The following CDH13 variants were observed in gnomAD, a reference collection of about 807,000 sequenced individuals.
CDH13 encodes the protein cadherin-13.
CDH13 carries 24 observed loss-of-function variants against 63.8 expected under a neutral mutation model. The ratio of observed to expected loss-of-function variants is 0.38; its 90% CI spans 0.27 to 0.53. The LOEUF is 0.53. Ranked by LOEUF, CDH13 falls within the 20% of genes least tolerant of loss-of-function variation. The probability of loss-of-function intolerance (pLI) is 0.85; values close to 1 mark genes in which losing one functional copy is unlikely to be tolerated. For synonymous variants in CDH13, 503 were observed against 355.3 expected (o/e 1.42, Z -4.67); for missense variants, 1,049 against 903.1 (o/e 1.16, Z -2.07).
chr16:83,102,965 T>TTTTTTTTTTTTTTTTTTTTC (rs2034570357), intron 3 of CDH13, among the ~76,000 whole-genome samples: 5 of 107,864 alleles, frequency 4.6e-5, no homozygotes, highest in East Asian at 2.8e-4. Context: ...TTTTTTTTTT[T>TTTTTTTTTTTTTTTTTTTTC]TTTTTGAGGT....
At chr16:82,931,673 T>C (rs540123702) in intron 2 of CDH13, among the ~76,000 whole-genome samples, 2 of 152,084 alleles carry the variant, frequency 1.3e-5, no homozygotes. Context: ...CTCACAATCA[T>C]GGCAGAAGGC....
chr16:83,109,901 C>G (rs1410031551), intron 3 of CDH13, among the ~76,000 whole-genome samples: 1 of 152,192 alleles, frequency 6.6e-6, no homozygotes, highest in Non-Finnish European at 1.5e-5. Context: ...GTAAAACTAG[C>G]AAGTCTTGAT....
intron 4 of CDH13, among the ~76,000 whole-genome samples, chr16:83,191,472 T>TATATATATGCAC (rs1567492971): frequency 8.7e-6 from 1 of 115,462 alleles, no homozygotes; most frequent in African/African-American, 3.3e-5. Flanking sequence ...TATATATATA[T>TATATATATGCAC]ATATATATAT....
At chr16:83,777,097 C>T (rs1915170864) in intron 11 of CDH13, among the ~76,000 whole-genome samples, 1 of 152,228 alleles carries the variant, frequency 6.6e-6, no homozygotes, top group South Asian at 2.1e-4. Context: ...TGCTTTCCTG[C>T]TCGAGCTGCA....
chr16:83,498,176 A>C (rs2074191936), intron 7 of CDH13, among the ~76,000 whole-genome samples: 1 of 152,124 alleles, frequency 6.6e-6, no homozygotes, highest in African/African-American at 2.4e-5. Context: ...GTGAGAGGAG[A>C]GGGGGCAAGG....
At chr16:82,815,705 A>T (rs1367553853) in intron 1 of CDH13, among the ~76,000 whole-genome samples, 1 of 152,150 alleles carries the variant, frequency 6.6e-6, no homozygotes, top group African/African-American at 2.4e-5. Flanking sequence ...TCTACCATGA[A>T]GAACAGTGCC....
intron 5 of CDH13, among the ~76,000 whole-genome samples, chr16:83,289,233 A>G (rs1051497360): frequency 1.3e-5 from 2 of 152,196 alleles, no homozygotes; most frequent in African/African-American, 2.4e-5. Flanking sequence ...ACATAACCCA[A>G]CCTGGGACCC....
chr16:82,919,771 G>A (rs994878116), intron 2 of CDH13, among the ~76,000 whole-genome samples: 15 of 152,188 alleles, frequency 9.9e-5, no homozygotes, highest in Admixed American at 2.0e-4. Flanking sequence ...CCATCTGTTC[G>A]TCATCATTCA....
chr16:82,916,324 C>G (rs1332919099), intron 2 of CDH13, among the ~76,000 whole-genome samples: 1 of 152,074 alleles, frequency 6.6e-6, no homozygotes, highest in Non-Finnish European at 1.5e-5. Context: ...GCCTGTAATC[C>G]CAGCACTTTG....
chr16:82,857,528 A>G (rs796148216), intron 1 of CDH13, among the ~76,000 whole-genome samples: 1 of 152,208 alleles, frequency 6.6e-6, no homozygotes, highest in Non-Finnish European at 1.5e-5. Flanking sequence ...AGAGAATCGT[A>G]TACATCTCAT....
chr16:83,489,021 G>A (rs2073954066), intron 7 of CDH13, among the ~76,000 whole-genome samples: 1 of 152,064 alleles, frequency 6.6e-6, no homozygotes, highest in Admixed American at 6.5e-5. Flanking sequence ...CGTGTGTGCA[G>A]GTGCACACAC....
intron 8 of CDH13, among the ~76,000 whole-genome samples, chr16:83,664,617 G>A (rs1353435613): frequency 2.8e-4 from 42 of 151,564 alleles, no homozygotes; most frequent in Admixed American, 2.3e-3. Context: ...GTTCTCATAC[G>A]TTTTCTTCTA....
intron 2 of CDH13, among the ~76,000 whole-genome samples, chr16:82,957,200 C>T (rs1285403220): frequency 1.3e-5 from 2 of 152,206 alleles, no homozygotes; most frequent in Non-Finnish European, 1.5e-5. Flanking sequence ...TCTACCACCT[C>T]TCCTCATATC....
rs1185074595 is a variant in CDH13 at position 83,185,743 on chromosome 16, A to C, written c.484-31602A>C. ...GGAGTGATCTATGGAATAAACAGGC[A>C]CTGTTGTTTGAATTAATTACCAGGA... On this transcript the variant is annotated intron_variant, in intron 4 of 13. Coordinates refer to ENST00000567109, the MANE Select transcript of CDH13 (RefSeq NM_001257.5). Among the ~76,000 whole-genome samples the C allele has an allele frequency of 2.0e-5, 3 of 152,210 alleles. No homozygotes were observed. The East Asian group carries it at 5.8e-4, about 29-fold the overall frequency.
chr16:83,608,660 AT>A (rs754678790), intron 8 of CDH13, among the ~76,000 whole-genome samples: 3,872 of 109,868 alleles, frequency 0.035, 102 homozygotes, highest in African/African-American at 0.085. Flanking sequence ...TAATTTTTGT[AT>A]TTTTTTTTTT....
chr16:83,407,315 A>G (rs2092062620), intron 6 of CDH13, among the ~76,000 whole-genome samples: 1 of 152,182 alleles, frequency 6.6e-6, no homozygotes, highest in African/African-American at 2.4e-5. Flanking sequence ...CAGTTGAAAT[A>G]TTGTTGTAGG....
chr16:83,330,143 T>C (rs2090450251), intron 5 of CDH13, among the ~76,000 whole-genome samples: 1 of 152,174 alleles, frequency 6.6e-6, no homozygotes, highest in Non-Finnish European at 1.5e-5. Context: ...TGGTGGTGGA[T>C]ACAAGAACCT....
chr16:83,121,077 T>C (rs1386150733), intron 3 of CDH13, among the ~76,000 whole-genome samples: 4 of 152,140 alleles, frequency 2.6e-5, no homozygotes. Flanking sequence ...TGTTTCTTTG[T>C]TTAGTGTTGG....
At chr16:83,730,938 A>C (rs1199887200) in intron 10 of CDH13, among the ~76,000 whole-genome samples, 2 of 152,156 alleles carry the variant, frequency 1.3e-5, no homozygotes, top group Non-Finnish European at 2.9e-5. Flanking sequence ...CCCTGTGCTA[A>C]TTCGCTTAGG....
Sources: allele counts gnomAD v4.1 joint callset (sites outside exome capture counted in the v4.1 genomes callset), GRCh38; gene constraint gnomAD v4.1.1; transcripts MANE v1.5; gene names NCBI Gene and HGNC (gene_info 2026-07-23, HGNC 2026-07-21).